The following KCNT2 variants were observed in gnomAD, a reference collection of about 807,000 sequenced individuals.
The protein encoded by KCNT2 is potassium sodium-activated channel subfamily T member 2.
Under a neutral mutation model 153.8 loss-of-function variants are expected in KCNT2, and 67 were observed. The ratio of observed to expected loss-of-function variants is 0.44; its 90% confidence interval spans 0.36 to 0.53. KCNT2 has a LOEUF of 0.53. Among genes scored for constraint, KCNT2 ranks in the 20% least tolerant of loss-of-function variants. The pLI, the probability that KCNT2 is intolerant of heterozygous loss-of-function variation, is 0.00. For missense variants in KCNT2, 975 were observed against 1,354.8 expected (o/e 0.72, Z 4.40); for synonymous variants, 500 against 458.8 (o/e 1.09, Z -1.15).
intron 12 of KCNT2, among the ~76,000 whole-genome samples, chr1:196,416,678 G>C (rs1672780618): frequency 6.6e-6 from 1 of 151,940 alleles, no homozygotes; most frequent in African/African-American, 2.4e-5. Flanking sequence ...ATAAGTAAAA[G>C]TAAGACAGAA....
intron 1 of KCNT2, among the ~76,000 whole-genome samples, chr1:196,500,084 C>T (rs957513160): frequency 3.3e-5 from 5 of 150,846 alleles, no homozygotes; most frequent in Non-Finnish European, 7.4e-5. Flanking sequence ...GTGGAGATTG[C>T]AGTGAGCTGA....
intron 3 of KCNT2, among the ~76,000 whole-genome samples, chr1:196,485,172 C>T (rs146167332): frequency 1.3e-5 from 2 of 152,032 alleles, no homozygotes; most frequent in African/African-American, 4.8e-5. Context: ...TGGAAGGCAT[C>T]ATCCTCAGCA....
intron 8 of KCNT2, among the ~76,000 whole-genome samples, chr1:196,438,914 C>A (rs573983586): frequency 6.6e-6 from 1 of 151,546 alleles, no homozygotes. Context: ...TTACTTAAAA[C>A]ATATATTCAT....
intron 9 of KCNT2, among the ~76,000 whole-genome samples, chr1:196,429,348 A>G (rs904481867): frequency 2.0e-5 from 3 of 150,948 alleles, no homozygotes; most frequent in Non-Finnish European, 4.4e-5. Context: ...TTGAAATAAG[A>G]TGAGTGCTGT....
intron 25 of KCNT2, among the ~76,000 whole-genome samples, chr1:196,266,326 T>C (rs2147810278): frequency 6.6e-6 from 1 of 152,278 alleles, no homozygotes; most frequent in Non-Finnish European, 1.5e-5. Context: ...AATATGGGAA[T>C]TGCACTAAAA....
Position 196,319,533 on chromosome 1 carries a change from C to T in KCNT2, c.2299G>A (p.Ala767Thr). The change falls in exon 20 of 28, where the codon GCA (alanine) becomes ACA (threonine). Residue 767 changes from alanine to threonine, a missense_variant. By Grantham distance (58) the Ala-to-Thr change is moderately conservative. Transcript: ENST00000294725. The part of the protein sequence containing the change: ...DNPPDMHFLD[A>T]ICWFPMVYYM... Reference sequence around the variant, plus strand: ...TAAACCATTGGAAACCAACAGATTGCATCCAGAAAATGCATATCTGGCCTA... The same window carrying T: ...TAAACCATTGGAAACCAACAGATTGTATCCAGAAAATGCATATCTGGCCTA... 1 of 1,609,790 alleles carries T rather than the reference C, an allele frequency of 6.2e-7. No individual in the cohort carries two copies.
intron 1 of KCNT2, 114 bp from the exon 2 acceptor site, chr1:196,492,455 T>C (rs1030392213): frequency 1.5e-5 from 13 of 842,652 alleles, no homozygotes; most frequent in Non-Finnish European, 2.1e-5. Context: ...GAATAATACA[T>C]TTTTGAAATA....
intron 1 of KCNT2, among the ~76,000 whole-genome samples, chr1:196,531,872 C>G (rs1405297395): frequency 2.0e-5 from 3 of 151,902 alleles, no homozygotes; most frequent in African/African-American, 7.2e-5. Context: ...AGCAGCATTT[C>G]CTAGCATGTG....
intron 1 of KCNT2, among the ~76,000 whole-genome samples, chr1:196,551,177 A>T (rs1657847485): frequency 6.6e-6 from 1 of 151,852 alleles, no homozygotes; most frequent in South Asian, 2.1e-4. Flanking sequence ...ATGCTTAGAT[A>T]TCCTCTGGGA....
chr1:196,412,843 G>C (rs1351227680), intron 12 of KCNT2, among the ~76,000 whole-genome samples: 1 of 151,590 alleles, frequency 6.6e-6, no homozygotes, highest in East Asian at 1.9e-4. Flanking sequence ...AATAATGGCA[G>C]ACATCCTCAT....
intron 26 of KCNT2, among the ~76,000 whole-genome samples, chr1:196,241,518 G>T (rs968075491): frequency 1.3e-5 from 2 of 151,836 alleles, no homozygotes; most frequent in African/African-American, 4.8e-5. Context: ...AACTAAAGAA[G>T]AATAATTCCA....
At chr1:196,468,797 T>C (rs1329151804) in intron 6 of KCNT2, among the ~76,000 whole-genome samples, 197 bp downstream of exon 6, 3 of 152,102 alleles carry the variant, frequency 2.0e-5, no homozygotes, top group African/African-American at 7.2e-5. Context: ...TACTCTGCTA[T>C]TGTATGAAAT....
In KCNT2 at chr1:196,597,884, C is replaced by A. The variant is rs1014419484; in HGVS notation, c.95+10331G>T. On this transcript the variant is annotated intron_variant, in intron 1 of 27. Transcript: ENST00000294725. Reference sequence around the variant, plus strand: ...TAGGTGTAAGTGTTAAGCCCTAAATCAAGTAACTTCACTTTATGATATGTA... The same window carrying A: ...TAGGTGTAAGTGTTAAGCCCTAAATAAAGTAACTTCACTTTATGATATGTA... 5.3e-5 allele frequency among the ~76,000 whole-genome samples: 8 copies of A among 151,408 alleles called. No homozygotes were observed. In the South Asian group the frequency reaches 1.7e-3, roughly 31 times the overall value.
At chr1:196,358,731 A>G (rs895254939) in intron 14 of KCNT2, among the ~76,000 whole-genome samples, 1 of 151,846 alleles carries the variant, frequency 6.6e-6, no homozygotes, top group African/African-American at 2.4e-5. Flanking sequence ...GTAACACCCA[A>G]CCTTAGCTAT....
chr1:196,319,340 G>A (rs527936184), intron 20 of KCNT2, 144 bp downstream of exon 20: 5 of 454,594 alleles, frequency 1.1e-5, no homozygotes, highest in African/African-American at 2.0e-5. Flanking sequence ...TGTATAACAC[G>A]AGAACATAAG....
intron 1 of KCNT2, among the ~76,000 whole-genome samples, chr1:196,595,715 G>A (rs1663975968): frequency 6.6e-6 from 1 of 151,738 alleles, no homozygotes; most frequent in South Asian, 2.1e-4. Context: ...AATAGTTTTT[G>A]GGGCACAGGT....
intron 22 of KCNT2, among the ~76,000 whole-genome samples, chr1:196,293,031 T>TA (rs370417963): frequency 0.015 from 2,203 of 145,814 alleles, 52 homozygotes; most frequent in African/African-American, 0.052. Context: ...CACAATAGCA[T>TA]AAAAAAAAAA....
intron 1 of KCNT2, among the ~76,000 whole-genome samples, chr1:196,523,036 C>T (rs1653673013): frequency 6.6e-6 from 1 of 152,212 alleles, no homozygotes; most frequent in Admixed American, 6.5e-5. Flanking sequence ...ATAAACCTTG[C>T]CGCTGCTCAC....
At chr1:196,541,838 A>G (rs1656416867) in intron 1 of KCNT2, among the ~76,000 whole-genome samples, 1 of 152,068 alleles carries the variant, frequency 6.6e-6, no homozygotes, top group South Asian at 2.1e-4. Context: ...TGTCCAATGC[A>G]CCATTATATA....
Sources: allele counts gnomAD v4.1 joint callset (sites outside exome capture counted in the v4.1 genomes callset), GRCh38; gene constraint gnomAD v4.1.1; transcripts MANE v1.5; gene names NCBI Gene and HGNC (gene_info 2026-07-23, HGNC 2026-07-21).